ZNF347: variants seen among roughly 807,000 people sequenced by gnomAD.
ZNF347 encodes zinc finger protein 347, also known as CTD-2620I22.7.
A neutral mutation model predicts 12.9 loss-of-function variants in ZNF347; 19 were observed. That is an observed-to-expected ratio of 1.47 (90% confidence interval 1.03 to 2.16). The LOEUF is 2.16. Among genes scored for constraint, ZNF347 ranks in the 30% most tolerant of loss-of-function variants. The pLI, the probability that ZNF347 is intolerant of heterozygous loss-of-function variation, is 0.00. For missense variants in ZNF347, 1,005 were observed against 990.6 expected (o/e 1.01, Z -0.19); for synonymous variants, 328 against 340.6 (o/e 0.96, Z 0.41).
At chr19:53,154,315 C>T (rs1299582764) in intron 1 of ZNF347, among the ~76,000 whole-genome samples, 1 of 151,346 alleles carries the variant, frequency 6.6e-6, no homozygotes, top group Non-Finnish European at 1.5e-5. Flanking sequence ...GACCCCATTT[C>T]TCTTAAAAAA....
At chr19:53,150,541 T>C (rs780743942) in intron 2 of ZNF347, among the ~76,000 whole-genome samples, 7 of 152,120 alleles carry the variant, frequency 4.6e-5, no homozygotes, top group Non-Finnish European at 1.0e-4. Flanking sequence ...TTTATTGAAG[T>C]GCTATATATT....
intron 1 of ZNF347, 119 bp downstream of exon 1, chr19:53,158,890 T>A (rs1308453895): frequency 1.1e-5 from 1 of 93,134 alleles, no homozygotes; most frequent in African/African-American, 4.0e-5. Flanking sequence ...AGAGTAAATC[T>A]CCGTCTCACC....
In ZNF347 at chr19:53,141,029, T is replaced by C. The variant is rs752974222; in HGVS notation, c.1799A>G (p.Asn600Ser). 2 of 1,613,344 alleles carry C rather than the reference T, an allele frequency of 1.2e-6. No homozygotes were observed. Among genetic ancestry groups the C allele is most frequent in the Admixed American group, 3.3e-5 (2 of 59,892 alleles). The change falls in exon 5 of 5, where the codon AAT becomes AGT. Residue 600 changes from asparagine (N) to serine (S), a missense_variant. By Grantham distance (46) the Asn-to-Ser change is conservative. Coordinates refer to ENST00000334197, the MANE Select transcript of ZNF347 (RefSeq NM_032584.3). ...ATGCCTAAAGACCTTGCCACATTCA[T>C]TACATTTATAAGGTTTCTCTCCAGT... Reference protein sequence around the residue: ...IHTGEKPYKCNECGKVFRHNS... With the variant: ...IHTGEKPYKCSECGKVFRHNS...
intron 1 of ZNF347, among the ~76,000 whole-genome samples, chr19:53,158,388 G>A (rs937244180): frequency 2.6e-5 from 4 of 152,224 alleles, no homozygotes; most frequent in African/African-American, 9.6e-5. Flanking sequence ...CGACGAGGGC[G>A]AGGCTGGGAG....
intron 2 of ZNF347, among the ~76,000 whole-genome samples, chr19:53,152,673 G>A (rs2090506272): frequency 6.6e-6 from 1 of 152,114 alleles, no homozygotes; most frequent in South Asian, 2.1e-4. Flanking sequence ...GCTCACGCCT[G>A]TAATCCCAGC....
At chr19:53,148,188 T>C (rs7253161) in intron 4 of ZNF347, among the ~76,000 whole-genome samples, 31,037 of 152,062 alleles carry the variant, frequency 0.2, 3,512 homozygotes, top group African/African-American at 0.28. Context: ...ATAAAAAGCA[T>C]ACAGATTGAA....
intron 4 of ZNF347, among the ~76,000 whole-genome samples, 154 bp downstream of exon 4, chr19:53,148,527 A>C (rs1156404905): frequency 6.6e-6 from 1 of 152,220 alleles, no homozygotes; most frequent in Non-Finnish European, 1.5e-5. Context: ...AAACTAGTAC[A>C]AGTCTAAAGG....
At position 53,135,311 on chromosome 19, in the gene ZNF347, T is replaced by G. The variant is rs1165796520; in HGVS notation, c.*4997A>C. The G allele has an allele frequency of 3.4e-4, 1 of 2,916 alleles. No individual in the cohort carries two copies. The highest frequency in any genetic ancestry group is 1.0e-3 in the Non-Finnish European group (1 of 974). The allele number at this position is 2,916 out of a possible 1,614,324, so 0.2% of individuals were successfully genotyped here. A position where few individuals can be genotyped will look rare whatever the true frequency, so the allele number is the denominator to read the frequency against. On this transcript the variant is annotated 3_prime_UTR_variant, in exon 5 of 5. Coordinates refer to ENST00000334197, the MANE Select transcript of ZNF347 (RefSeq NM_032584.3). ...TACCCATTTTCTAAATATATATATA[T>G]ATATATATATATATATATATATATA...
rs1201234317 is a variant in ZNF347, at chr19:53,141,436, C to G, written c.1392G>C (p.Lys464Asn). Reference protein sequence around the residue: ...EKPYKCHECGKVFRRNSHLAR... With the variant: ...EKPYKCHECGNVFRRNSHLAR... ...CAAGGTGTGAATTACGCCTAAAGACCTTGCCGCATTCATGACATTTGTAAG... is the reference window on the plus strand; with the variant it reads ...CAAGGTGTGAATTACGCCTAAAGACGTTGCCGCATTCATGACATTTGTAAG... The change falls in exon 5 of 5, where the codon AAG (lysine) becomes AAC (asparagine). Residue 464 changes from lysine to asparagine, a missense_variant. Lys to Asn is a moderately conservative substitution (Grantham distance 94). Transcript: ENST00000334197. 6.2e-7 allele frequency: 1 copy of G among 1,613,792 alleles called. No individual in the cohort carries two copies. Among genetic ancestry groups the G allele is most frequent in the East Asian group, 2.2e-5 (1 of 44,842 alleles).
intron 2 of ZNF347, among the ~76,000 whole-genome samples, chr19:53,151,610 A>T (rs1275219010): frequency 6.6e-6 from 1 of 152,108 alleles, no homozygotes; most frequent in Non-Finnish European, 1.5e-5. Context: ...CAAAGTTGAA[A>T]CAAGTTCATG....
At chr19:53,142,828 T>C (rs1460938304) in intron 4 of ZNF347, among the ~76,000 whole-genome samples, 1 of 152,110 alleles carries the variant, frequency 6.6e-6, no homozygotes, top group Non-Finnish European at 1.5e-5. Flanking sequence ...AAAGCAATCG[T>C]TCAGTCATAA....
intron 1 of ZNF347, among the ~76,000 whole-genome samples, chr19:53,157,090 G>C (rs2090540548): frequency 1.3e-5 from 2 of 152,104 alleles, no homozygotes; most frequent in Non-Finnish European, 2.9e-5. Flanking sequence ...GAAGTGGGTG[G>C]ACTCAAAACT....
In ZNF347 at chr19:53,135,968, AAAAG is replaced by A. The variant is rs2090386563; in HGVS notation, c.*4336_*4339del. 6.6e-6 allele frequency: 1 copy of A among 152,280 alleles called. No homozygotes were observed. Among genetic ancestry groups the A allele is most frequent in the Non-Finnish European group, 1.5e-5 (1 of 68,014 alleles). The allele number at this position is 152,280 out of a possible 1,614,324, so 9.4% of individuals were successfully genotyped here. On this transcript the variant is annotated 3_prime_UTR_variant, in exon 5 of 5. Transcript: ENST00000334197. Reference sequence around the variant, plus strand: ...TTTGCTGTAAGATCCTCTGGCTCAGAAAAGAAATACCAGCCACAGTAGGAAGTTG... The same window carrying A: ...TTTGCTGTAAGATCCTCTGGCTCAGAAAATACCAGCCACAGTAGGAAGTTG...
rs771602345 is a variant in ZNF347, at chr19:53,149,327, T to A, written c.56A>T (p.Gln19Leu). Residue 19 changes from glutamine (Q) to leucine (L), a missense_variant, in exon 3 of 5, where the codon CAG becomes CTG. By Grantham distance (113) the Gln-to-Leu change is moderately radical. Transcript: ENST00000334197. ...TFRDVAIEFS[Q>L]EEWTCLDPAQ... ...GGGGTCCAGGCATGTCCACTCCTCC[T>A]GAGAGAATTCTATAGCCACATCCCT... 1.9e-6 allele frequency: 3 copies of A among 1,613,980 alleles called. No homozygotes were observed. Among genetic ancestry groups the A allele is most frequent in the Non-Finnish European group, 2.5e-6 (3 of 1,179,942 alleles).
At chr19:53,156,017 C>A (rs1396436086) in intron 1 of ZNF347, among the ~76,000 whole-genome samples, 1 of 126,066 alleles carries the variant, frequency 7.9e-6, no homozygotes, top group Non-Finnish European at 1.6e-5. Flanking sequence ...CCCACAATGA[C>A]CAGGGGACTC....
rs1289257388 is a variant in ZNF347, at chr19:53,139,789, C to T, written c.*519G>A. The T allele has an allele frequency of 6.5e-6, 1 of 153,456 alleles. No individual in the cohort carries two copies. Among genetic ancestry groups the T allele is most frequent in the Admixed American group, 6.4e-5 (1 of 15,526 alleles). 9.5% of individuals were successfully genotyped at this position (153,456 alleles called of 1,614,324 possible). A position where few individuals can be genotyped will look rare whatever the true frequency, so the allele number is the denominator to read the frequency against. ...TTTTAATGCCTGCAAAGCTGTGAGG[C>T]CTGAATAAAGCCTCTGTCACACACA... On this transcript the variant is annotated 3_prime_UTR_variant, in exon 5 of 5. Transcript: ENST00000334197.
rs549045783 is a variant in ZNF347, at chr19:53,155,516, G to A, written c.-46-1723C>T. 3.0e-4 allele frequency among the ~76,000 whole-genome samples: 46 copies of A among 151,482 alleles called. 1 individual carries two copies. In the South Asian group the frequency reaches 9.2e-3, roughly 30 times the overall value. ...TCCAGCTTATTTTTTTCTATTTTTC[G>A]TAGAGACGGAGTCTTGCTATGTTGC... is the stretch of plus-strand genomic sequence containing the variant. On this transcript the variant is annotated intron_variant, in intron 1 of 4. Transcript: ENST00000334197.
rs1310286904 is a variant in ZNF347 at position 53,148,693 on chromosome 19, C to G, written c.259G>C (p.Ala87Pro). ...GNPDGWEWIKAVITALSSEFV... is the reference protein window; with the variant it reads ...GNPDGWEWIKPVITALSSEFV... Reference sequence around the variant, plus strand: ...TCTGAACTCTTACCTGTGATCACAGCTTTGATCCATTCCCATCCATCTGGG... The same window carrying G: ...TCTGAACTCTTACCTGTGATCACAGGTTTGATCCATTCCCATCCATCTGGG... The change falls in exon 4 of 5, where the codon GCT (alanine) becomes CCT (proline). Residue 87 changes from alanine to proline, a missense_variant. Ala to Pro is a conservative substitution (Grantham distance 27). Transcript: ENST00000334197. 1.2e-6 allele frequency: 2 copies of G among 1,613,608 alleles called. No homozygotes were observed. Among genetic ancestry groups the G allele is most frequent in the Non-Finnish European group, 1.7e-6 (2 of 1,179,738 alleles).
rs1273241118 is a variant in ZNF347, at chr19:53,138,125, GT to G, written c.*2182del. On this transcript the variant is annotated 3_prime_UTR_variant, in exon 5 of 5. Coordinates refer to ENST00000334197, the MANE Select transcript of ZNF347 (RefSeq NM_032584.3). ...CCCAGCCAATATTTTTCATACAATT[GT>G]TTTTTTTGAGACAGGGTCTCGCTCT... 2 of 149,432 alleles carry G rather than the reference GT, an allele frequency of 1.3e-5. No individual in the cohort carries two copies. The highest frequency in any genetic ancestry group is 3.0e-5 in the Non-Finnish European group (2 of 67,246). The allele number at this position is 149,432 out of a possible 1,614,324, so 9.3% of individuals were successfully genotyped here. A position where few individuals can be genotyped will look rare whatever the true frequency, so the allele number is the denominator to read the frequency against.
Sources: gnomAD v4.1 joint callset for allele counts (sites outside exome capture counted in the v4.1 genomes callset) on GRCh38, gnomAD v4.1.1 for gene constraint, MANE v1.5 for transcripts, NCBI Gene and HGNC (gene_info 2026-07-23, HGNC 2026-07-21) for gene names.